Variants in FOXP1 observed in about 807,000 individuals in gnomAD.
FOXP1 encodes the protein forkhead box P1.
Under a neutral mutation model 98.2 loss-of-function variants are expected in FOXP1, and 15 were observed. That is an observed-to-expected ratio of 0.15 (90% confidence interval 0.10 to 0.24). FOXP1 has a LOEUF of 0.24. FOXP1 is among the 10% of genes least tolerant of loss of function. The pLI, the probability that FOXP1 is intolerant of heterozygous loss-of-function variation, is 1.00. For synonymous variants in FOXP1, 371 were observed against 314.5 expected (o/e 1.18, Z -1.90); for missense variants, 633 against 848.5 (o/e 0.75, Z 3.15).
chr3:71,305,302 T>C (rs1043411772), intron 4 of FOXP1, among the ~76,000 whole-genome samples: 1 of 152,106 alleles, frequency 6.6e-6, no homozygotes, highest in Non-Finnish European at 1.5e-5. Context: ...TGATGTCTCC[T>C]CCACCGTGGG....
chr3:71,437,978 T>G (rs1217324556), intron 3 of FOXP1, among the ~76,000 whole-genome samples: 1 of 152,198 alleles, frequency 6.6e-6, no homozygotes, highest in East Asian at 1.9e-4. Context: ...AAAATTAACA[T>G]GGATTGAAAC....
At position 71,179,743 on chromosome 3, in the gene FOXP1, A is replaced by G. The variant is rs537697872; in HGVS notation, c.180+18459T>C. Among the ~76,000 whole-genome samples, 13 of 152,360 alleles carry G rather than the reference A, an allele frequency of 8.5e-5. No homozygotes were observed. The South Asian group carries it at 2.7e-3, about 32-fold the overall frequency. On this transcript the variant is annotated intron_variant, in intron 6 of 20. Coordinates refer to ENST00000649528, the MANE Select transcript of FOXP1 (RefSeq NM_001349338.3). The stretch of plus-strand genomic sequence containing the variant: ...ATGATTTTTACAAGAAAGGGAAAAC[A>G]GGGTATCCACTGAAATGTTAACAGT...
chr3:71,202,936 C>T (rs965172856), intron 5 of FOXP1, among the ~76,000 whole-genome samples: 1 of 152,122 alleles, frequency 6.6e-6, no homozygotes, highest in African/African-American at 2.4e-5. Context: ...CTCTTTTCTT[C>T]GAGGAAGCTT....
chr3:71,479,167 T>G (rs1383040362), intron 3 of FOXP1, among the ~76,000 whole-genome samples: 2 of 152,182 alleles, frequency 1.3e-5, no homozygotes, highest in Non-Finnish European at 2.9e-5. Flanking sequence ...GTCACACCTG[T>G]AATCCCAGCA....
chr3:71,173,383 TCACACACA>T (rs3064895), intron 6 of FOXP1, among the ~76,000 whole-genome samples: 1,625 of 143,298 alleles, frequency 0.011, 30 homozygotes, highest in African/African-American at 0.037. Context: ...AAGAAAAAAT[TCACACACA>T]CACACACACA....
At chr3:71,318,639 A>G (rs943774240) in intron 4 of FOXP1, among the ~76,000 whole-genome samples, 1 of 150,732 alleles carries the variant, frequency 6.6e-6, no homozygotes, top group African/African-American at 2.4e-5. Flanking sequence ...CTTTTTCACT[A>G]TTTAGACGTG....
Position 71,252,858 on chromosome 3 carries a change from C to G in FOXP1, c.-12+46962G>C, listed in dbSNP as rs556556443. 5.9e-5 allele frequency among the ~76,000 whole-genome samples: 9 copies of G among 152,344 alleles called. No individual in the cohort carries two copies. In the South Asian group the frequency reaches 1.9e-3, roughly 32 times the overall value. ...AAACCTTTCTTACTCTAACATGTAA[C>G]AGCAGACACCTGGGCTCAGGGCATA... On this transcript the variant is annotated intron_variant, in intron 5 of 20. Transcript: ENST00000649528.
chr3:71,230,426 C>T (rs1219410350), intron 5 of FOXP1, among the ~76,000 whole-genome samples: 3 of 152,168 alleles, frequency 2.0e-5, no homozygotes, highest in Non-Finnish European at 2.9e-5. Context: ...GTTCAATGCC[C>T]ATGAATGATT....
chr3:71,522,120 T>C (rs184544175), intron 2 of FOXP1, among the ~76,000 whole-genome samples: 1 of 152,254 alleles, frequency 6.6e-6, no homozygotes, highest in Admixed American at 6.5e-5. Flanking sequence ...CAATTGCAAG[T>C]ACACCCTTGG....
At chr3:71,268,395 G>A (rs2069953296) in intron 5 of FOXP1, among the ~76,000 whole-genome samples, 1 of 152,046 alleles carries the variant, frequency 6.6e-6, no homozygotes, top group Non-Finnish European at 1.5e-5. Flanking sequence ...GAGATTCCAA[G>A]GGGCAGGAAA....
At chr3:71,248,263 C>A (rs2067906729) in intron 5 of FOXP1, among the ~76,000 whole-genome samples, 1 of 152,178 alleles carries the variant, frequency 6.6e-6, no homozygotes, top group Non-Finnish European at 1.5e-5. Flanking sequence ...CAACTAAGCA[C>A]ACACAAATCA....
intron 5 of FOXP1, among the ~76,000 whole-genome samples, chr3:71,225,156 C>A (rs1232585921): frequency 6.6e-6 from 1 of 152,228 alleles, no homozygotes; most frequent in Non-Finnish European, 1.5e-5. Flanking sequence ...TGGGAGGCGG[C>A]AGTGTGAGAG....
At chr3:71,329,580 A>C (rs2076169275) in intron 4 of FOXP1, among the ~76,000 whole-genome samples, 1 of 85,372 alleles carries the variant, frequency 1.2e-5, no homozygotes, top group South Asian at 5.7e-4. Context: ...AGAGAGCAAA[A>C]TGTTGAAAAA....
At chr3:71,537,784 T>A (rs2044426444) in intron 2 of FOXP1, among the ~76,000 whole-genome samples, 1 of 152,242 alleles carries the variant, frequency 6.6e-6, no homozygotes, top group African/African-American at 2.4e-5. Flanking sequence ...TACTAGCCTG[T>A]AGGCCAAATC....
At chr3:71,254,915 G>C (rs1315284268) in intron 5 of FOXP1, among the ~76,000 whole-genome samples, 2 of 152,268 alleles carry the variant, frequency 1.3e-5, no homozygotes, top group East Asian at 1.9e-4. Context: ...TGAAATACTT[G>C]GGAGCAAGCA....
At chr3:71,173,598 G>T (rs2061763009) in intron 6 of FOXP1, among the ~76,000 whole-genome samples, 1 of 152,148 alleles carries the variant, frequency 6.6e-6, no homozygotes, top group African/African-American at 2.4e-5. Context: ...TTCAGTGAAA[G>T]GCAACTTTAA....
In FOXP1 at chr3:71,110,131, C is replaced by T. The variant is rs941568518; in HGVS notation, c.282+2405G>A. 1.2e-4 allele frequency among the ~76,000 whole-genome samples: 19 copies of T among 152,226 alleles called. No individual in the cohort carries two copies. The East Asian group carries it at 1.5e-3, about 12-fold the overall frequency. ...CACTTCTGCATGGTGGCTAAAAACC[C>T]TGTAACAGGCAAGAAGAAAAAGAGC... On this transcript the variant is annotated intron_variant, in intron 7 of 20. Transcript: ENST00000649528.
chr3:71,223,692 T>C (rs1444833105), intron 5 of FOXP1, among the ~76,000 whole-genome samples: 2 of 81,850 alleles, frequency 2.4e-5, no homozygotes, highest in Non-Finnish European at 4.2e-5. Context: ...AGACTACGTC[T>C]CAAAAAAAAA....
At chr3:71,412,469 C>T (rs1005039968) in intron 3 of FOXP1, among the ~76,000 whole-genome samples, 5 of 152,150 alleles carry the variant, frequency 3.3e-5, no homozygotes, top group African/African-American at 1.2e-4. Flanking sequence ...GAGGGAAAAA[C>T]ATCACAGTAT....
Sources: gnomAD v4.1 joint callset for allele counts (sites outside exome capture counted in the v4.1 genomes callset) on GRCh38, gnomAD v4.1.1 for gene constraint, MANE v1.5 for transcripts, NCBI Gene and HGNC (gene_info 2026-07-23, HGNC 2026-07-21) for gene names.